The following PALLD variants were observed in gnomAD, a reference collection of about 807,000 sequenced individuals.
The protein encoded by PALLD is palladin.
Under a neutral mutation model 123.5 loss-of-function variants are expected in PALLD, and 61 were observed. That is an observed-to-expected ratio of 0.49 (90% confidence interval 0.40 to 0.61). The LOEUF (loss-of-function observed/expected upper bound fraction) is 0.61. PALLD is among the 20% of genes least tolerant of loss of function. The pLI is 0.00. For synonymous variants in PALLD, 465 were observed against 496.4 expected (o/e 0.94, Z 0.84); for missense variants, 1,273 against 1,377.0 (o/e 0.92, Z 1.20).
At chr4:168,719,551 T>C (rs190287664) in intron 10 of PALLD, among the ~76,000 whole-genome samples, 23 of 152,290 alleles carry the variant, frequency 1.5e-4, no homozygotes, top group African/African-American at 1.9e-4. Context: ...TGAGCCACCA[T>C]GCCCAGCCAA....
chr4:168,612,588 A>G (rs1055050365), intron 2 of PALLD, among the ~76,000 whole-genome samples: 1 of 152,142 alleles, frequency 6.6e-6, no homozygotes, highest in Non-Finnish European at 1.5e-5. Flanking sequence ...TAGGTCGAAA[A>G]TCTGGGACAT....
chr4:168,736,010 A>G (rs1787714626), intron 10 of PALLD, among the ~76,000 whole-genome samples: 1 of 151,898 alleles, frequency 6.6e-6, no homozygotes, highest in African/African-American at 2.4e-5. Context: ...AGACCCAGAA[A>G]CTCTCCAGTG....
chr4:168,804,466 T>C (rs1012918973), intron 10 of PALLD, among the ~76,000 whole-genome samples: 1 of 152,252 alleles, frequency 6.6e-6, no homozygotes, highest in African/African-American at 2.4e-5. Context: ...ACAGTTGTAC[T>C]TAAAGTCCCT....
chr4:168,646,259 G>A (rs1048226412), intron 2 of PALLD, among the ~76,000 whole-genome samples: 3 of 152,174 alleles, frequency 2.0e-5, no homozygotes, highest in Non-Finnish European at 1.5e-5. Context: ...CCTTTGAGGA[G>A]AGCTGGGAGG....
chr4:168,850,076 C>T (rs1343892765), intron 10 of PALLD, among the ~76,000 whole-genome samples: 1 of 152,108 alleles, frequency 6.6e-6, no homozygotes, highest in African/African-American at 2.4e-5. Flanking sequence ...ATACTCAATA[C>T]TAAAAAATGA....
intron 10 of PALLD, chr4:168,831,988 G>C: frequency 1.4e-5 from 14 of 985,380 alleles, no homozygotes; most frequent in Non-Finnish European, 1.7e-5. Context: ...TCTCCCGCCC[G>C]CCGCGCCGCC....
In PALLD at chr4:168,744,722, C is replaced by T. The variant is rs149969094; in HGVS notation, c.1964+32799C>T. Among the ~76,000 whole-genome samples the T allele has an allele frequency of 3.4e-3, 525 of 152,232 alleles. 2 individuals are homozygous for T. The highest frequency in any genetic ancestry group is 0.012 in the African/African-American group (499 of 41,530). ...ACTTTATGATGGAGTGAAAGTGATA[C>T]GTATTTAGTAGAAACTGTATTTCAA... is the stretch of plus-strand genomic sequence containing the variant. On this transcript the variant is annotated intron_variant, in intron 10 of 21. Transcript: ENST00000505667.
chr4:168,600,069 G>GTGTACACACATA (rs1561291249), intron 2 of PALLD, among the ~76,000 whole-genome samples: 40 of 144,554 alleles, frequency 2.8e-4, no homozygotes, highest in African/African-American at 7.1e-4. Context: ...ACATACATGT[G>GTGTACACACATA]TATACACACA....
At chr4:168,603,887 G>A (rs2149735696) in intron 2 of PALLD, among the ~76,000 whole-genome samples, 1 of 152,294 alleles carries the variant, frequency 6.6e-6, no homozygotes, top group Non-Finnish European at 1.5e-5. Flanking sequence ...TCAGTGAATG[G>A]ATATACACAA....
intron 15 of PALLD, among the ~76,000 whole-genome samples, chr4:168,905,320 T>C (rs1166889834): frequency 6.6e-6 from 1 of 151,374 alleles, no homozygotes; most frequent in African/African-American, 2.4e-5. Context: ...GCTAATTTTT[T>C]TTTATTTTTA....
intron 1 of PALLD, among the ~76,000 whole-genome samples, chr4:168,509,731 C>CA (rs1471998148): frequency 2.6e-5 from 4 of 151,874 alleles, no homozygotes; most frequent in Non-Finnish European, 4.4e-5. Context: ...AATTCAGGCA[C>CA]AAAAAAAGTA....
intron 12 of PALLD, among the ~76,000 whole-genome samples, chr4:168,895,513 T>C (rs1186273679): frequency 6.6e-6 from 1 of 152,262 alleles, no homozygotes; most frequent in Non-Finnish European, 1.5e-5. Flanking sequence ...GTTATATGTA[T>C]TATAGACTGT....
At chr4:168,565,407 C>T (rs1768275071) in intron 2 of PALLD, among the ~76,000 whole-genome samples, 1 of 152,094 alleles carries the variant, frequency 6.6e-6, no homozygotes. Flanking sequence ...GGGGGAGATG[C>T]AACACCTCTG....
chr4:168,925,060 G>T lies in PALLD; in HGVS notation c.3340G>T (p.Ala1114Ser), dbSNP rs1762304292. 6.2e-7 allele frequency: 1 copy of T among 1,614,080 alleles called. No homozygotes were observed. Among genetic ancestry groups the T allele is most frequent in the Non-Finnish European group, 8.5e-7 (1 of 1,179,978 alleles). The change falls in exon 20 of 22, where the codon GCC becomes TCC. Residue 1114 changes from alanine (A) to serine (S), a missense_variant. Physicochemically the swap from Ala to Ser is moderately conservative, Grantham distance 99. This residue lies in a region of PALLD where 329 missense variants were observed against 422.5 expected (regional missense o/e 0.78). Coordinates refer to ENST00000505667, the MANE Select transcript of PALLD (RefSeq NM_001166108.2). The stretch of plus-strand genomic sequence containing the variant: ...TGAAGCAGGGATTGTGTCCTGTACT[G>T]CCAGGCTGGACGTTTACAGTGAGTG... ...KNEAGIVSCTARLDVYISRH is the reference protein window; with the variant it reads ...KNEAGIVSCTSRLDVYISRH
intron 8 of PALLD, among the ~76,000 whole-genome samples, chr4:168,695,919 G>A (rs1394408234): frequency 6.6e-6 from 1 of 152,018 alleles, no homozygotes; most frequent in Non-Finnish European, 1.5e-5. Context: ...AACCAAGAAA[G>A]TTTGTTTTAC....
chr4:168,804,923 G>A (rs1739934568), intron 10 of PALLD, among the ~76,000 whole-genome samples: 1 of 152,116 alleles, frequency 6.6e-6, no homozygotes, highest in South Asian at 2.1e-4. Context: ...CAGTTTGGGA[G>A]GCCAAGGCGG....
intron 4 of PALLD, 55 bp downstream of exon 4, chr4:168,681,453 G>A: frequency 8.8e-7 from 1 of 1,136,414 alleles, no homozygotes; most frequent in South Asian, 1.2e-5. Flanking sequence ...CAACAGAATG[G>A]TTGGGGTATG....
intron 10 of PALLD, among the ~76,000 whole-genome samples, chr4:168,725,565 T>G (rs1029078383): frequency 6.8e-6 from 1 of 148,010 alleles, no homozygotes; most frequent in African/African-American, 2.5e-5. Flanking sequence ...CTTGCTCTGT[T>G]GCCCAGGCTG....
In PALLD at chr4:168,669,645, G is replaced by A. The variant is rs138486653; in HGVS notation, c.1087+1277G>A. On this transcript the variant is annotated intron_variant, in intron 3 of 21. Transcript: ENST00000505667. ...AAAATAAAAAGTAACGATTACTGAT[G>A]ACTAAAAGTATGTACCTTTACTTTC... Among the ~76,000 whole-genome samples the A allele has an allele frequency of 4.7e-3, 711 of 152,218 alleles. 9 individuals carry two copies. Among genetic ancestry groups the A allele is most frequent in the African/African-American group, 0.016 (682 of 41,532 alleles).
Sources: gnomAD v4.1 joint callset for allele counts (sites outside exome capture counted in the v4.1 genomes callset) on GRCh38, gnomAD v4.1.1 for gene constraint, gnomAD v4.1.1 regional missense constraint, MANE v1.5 for transcripts, NCBI Gene and HGNC (gene_info 2026-07-23, HGNC 2026-07-21) for gene names.